The following ATAD2 variants were observed in gnomAD, a reference collection of about 807,000 sequenced individuals.
The protein encoded by ATAD2 is ATPase family AAA domain-containing protein 2.
A neutral mutation model predicts 168.9 loss-of-function variants in ATAD2; 62 were observed. The observed-to-expected ratio is 0.37, with a 90% CI of 0.30 to 0.45. ATAD2 has a LOEUF of 0.45. Ranked by LOEUF, ATAD2 falls within the 20% of genes least tolerant of loss-of-function variation. The probability of loss-of-function intolerance (pLI) is 1.00; values close to 1 mark genes in which losing one functional copy is unlikely to be tolerated. For missense variants in ATAD2, 1,419 were observed against 1,667.8 expected, an observed-to-expected ratio of 0.85 and a Z score of 2.60; for synonymous variants, 613 against 571.6, an observed-to-expected ratio of 1.07 and a Z score of -1.03.
At chr8:123,340,342 T>C (rs1828029309) in intron 19 of ATAD2, among the ~76,000 whole-genome samples, 1 of 152,184 alleles carries the variant, frequency 6.6e-6, no homozygotes, top group African/African-American at 2.4e-5. Context: ...TACAAGATAT[T>C]GGAAACTCAG....
In ATAD2 at chr8:123,371,282, C is replaced by G; in HGVS notation, c.593G>C (p.Arg198Pro). 1 of 1,610,156 alleles carries G rather than the reference C, an allele frequency of 6.2e-7. No homozygotes were observed. The highest frequency in any genetic ancestry group is 8.5e-7 in the Non-Finnish European group (1 of 1,178,524). ...TCCCAAGTCTTCAAGTTCTCTCATTCGCTGTCTACGCATCTTCTTCATGTC... is the reference window on the plus strand; with the variant it reads ...TCCCAAGTCTTCAAGTTCTCTCATTGGCTGTCTACGCATCTTCTTCATGTC... Reference protein sequence around the residue: ...MDDMKKMRRQRMRELEDLGVF... With the variant: ...MDDMKKMRRQPMRELEDLGVF... The change falls in exon 5 of 28, where the codon CGA becomes CCA. Residue 198 changes from arginine (R) to proline (P), a missense_variant. Transcript: ENST00000287394.
intron 1 of ATAD2, among the ~76,000 whole-genome samples, chr8:123,394,071 A>C (rs76406760): frequency 2.0e-3 from 296 of 151,772 alleles, no homozygotes; most frequent in African/African-American, 7.0e-3. Flanking sequence ...AGTCAACAAC[A>C]ACCTAAGGTT....
intron 1 of ATAD2, among the ~76,000 whole-genome samples, chr8:123,393,566 A>T (rs764068236): frequency 3.3e-5 from 5 of 151,810 alleles, no homozygotes; most frequent in African/African-American, 7.3e-5. Flanking sequence ...GGTGGGGCAT[A>T]ATATATATAT....
Position 123,346,598 on chromosome 8 carries a change from G to C in ATAD2, c.2345+20C>G, listed in dbSNP as rs1262311753. ...AAAATTTACACATGCAAAAAACATTGATTTGCAAGAAAAATATACCTATTC... is the reference window on the plus strand; with the variant it reads ...AAAATTTACACATGCAAAAAACATTCATTTGCAAGAAAAATATACCTATTC... On this transcript the variant is annotated intron_variant, in intron 17 of 27. Coordinates refer to ENST00000287394, the MANE Select transcript of ATAD2 (RefSeq NM_014109.4). 6.6e-7 allele frequency: 1 copy of C among 1,508,640 alleles called. No homozygotes were observed. Among genetic ancestry groups the C allele is most frequent in the South Asian group, 1.3e-5 (1 of 76,968 alleles). The allele number at this position is 1,508,640 out of a possible 1,614,324, so 93.5% of individuals were successfully genotyped here.
chr8:123,332,437 T>C (rs1473981063), intron 24 of ATAD2, among the ~76,000 whole-genome samples: 2 of 152,208 alleles, frequency 1.3e-5, no homozygotes, highest in Non-Finnish European at 2.9e-5. Context: ...TCCTAAAAAG[T>C]AAATAATATC....
intron 24 of ATAD2, among the ~76,000 whole-genome samples, chr8:123,333,440 G>A (rs1260452338): frequency 6.7e-6 from 1 of 149,932 alleles, no homozygotes; most frequent in Admixed American, 6.7e-5. Context: ...AAAGGGTAGT[G>A]AGGAATTACA....
At chr8:123,377,225 T>TGCC (rs1829346806) in intron 2 of ATAD2, among the ~76,000 whole-genome samples, 1 of 150,842 alleles carries the variant, frequency 6.6e-6, no homozygotes, top group South Asian at 2.1e-4. Flanking sequence ...GCCATGATCA[T>TGCC]GCCACTACAC....
At chr8:123,405,383 A>T (rs1813055764) in intron 1 of ATAD2, among the ~76,000 whole-genome samples, 1 of 150,336 alleles carries the variant, frequency 6.7e-6, no homozygotes, top group Non-Finnish European at 1.5e-5. Flanking sequence ...CAGCCTCCCG[A>T]GTAGCTGGGA....
At chr8:123,389,272 G>A (rs369123294) in intron 1 of ATAD2, among the ~76,000 whole-genome samples, 1 of 146,428 alleles carries the variant, frequency 6.8e-6, no homozygotes, top group Non-Finnish European at 1.5e-5. Context: ...CACCGTGCCC[G>A]GCCTGTGCTT....
Position 123,328,493 on chromosome 8 carries a change from C to CATCCTT in ATAD2, c.3559_3564dup (p.Lys1187_Asp1188dup). On this transcript the variant is annotated inframe_insertion, in exon 25 of 28. Coordinates refer to ENST00000287394, the MANE Select transcript of ATAD2 (RefSeq NM_014109.4). ...TTGTGATCTATGGCATTCTGGCTAT[C>CATCCTT]ATCCTTTGCCTGTGAAATCTTCCTT... is the stretch of plus-strand genomic sequence containing the variant. 6.2e-7 allele frequency: 1 copy of CATCCTT among 1,601,246 alleles called. No homozygotes were observed. Among genetic ancestry groups the CATCCTT allele is most frequent in the Non-Finnish European group, 8.5e-7 (1 of 1,175,164 alleles).
At chr8:123,354,864 A>AAAAAAAAATAT (rs1554644338) in intron 13 of ATAD2, among the ~76,000 whole-genome samples, 12 of 64,704 alleles carry the variant, frequency 1.9e-4, no homozygotes, top group African/African-American at 9.5e-4. Context: ...AAAAAAAAAA[A>AAAAAAAAATAT]ATATATATAT....
upstream of ATAD2, among the ~76,000 whole-genome samples, chr8:123,396,710 G>A (rs1195326196): frequency 6.6e-6 from 1 of 152,048 alleles, no homozygotes; most frequent in Admixed American, 6.6e-5. Context: ...CGGTGGGAGC[G>A]GTGCGTAGCC....
intron 15 of ATAD2, chr8:123,347,885 TATA>T (rs1828304250): frequency 1.3e-5 from 4 of 302,248 alleles, no homozygotes; most frequent in South Asian, 1.3e-4. Context: ...CTTATTATGA[TATA>T]ATAATATATT....
chr8:123,321,071 G>A lies in ATAD2; in HGVS notation c.*63C>T, dbSNP rs570934950. 74 of 1,419,072 alleles carry A rather than the reference G, an allele frequency of 5.2e-5. No homozygotes were observed. The East Asian group carries it at 8.7e-4, about 17-fold the overall frequency. 87.9% of individuals were successfully genotyped at this position (1,419,072 alleles called of 1,614,324 possible). A position where few individuals can be genotyped will look rare whatever the true frequency, so the allele number is the denominator to read the frequency against. ...GGGTTTCATACTACATCAATTAGGC[G>A]GACATGACAAAAATGACTTAAATAG... On this transcript the variant is annotated 3_prime_UTR_variant, in exon 28 of 28. Transcript: ENST00000287394.
chr8:123,364,306 T>C (rs1485268252), intron 8 of ATAD2, among the ~76,000 whole-genome samples: 1 of 152,094 alleles, frequency 6.6e-6, no homozygotes, highest in Non-Finnish European at 1.5e-5. Context: ...GTCCTAGTCA[T>C]GGGCCCAGGT....
intron 8 of ATAD2, among the ~76,000 whole-genome samples, chr8:123,368,133 T>C (rs1340544792): frequency 1.3e-5 from 2 of 152,172 alleles, no homozygotes; most frequent in Non-Finnish European, 2.9e-5. Context: ...GAATTATCTC[T>C]TTGACCGGGT....
chr8:123,333,687 G>A (rs985103324), intron 24 of ATAD2, among the ~76,000 whole-genome samples, 191 bp downstream of exon 24: 2 of 152,130 alleles, frequency 1.3e-5, no homozygotes, highest in African/African-American at 4.8e-5. Flanking sequence ...CAATTAGATG[G>A]TGACTTCTGG....
At position 123,371,729 on chromosome 8, in the gene ATAD2, C is replaced by CCTA. The variant is rs1309870286; in HGVS notation, c.474_476dup (p.Cys158_Arg159insSer). ...TTACACCACTATAACGACTTCTAAT[C>CCTA]CTACAACTTCGACGCACTTCAACAT... On this transcript the variant is annotated inframe_insertion, in exon 4 of 28. Coordinates refer to ENST00000287394, the MANE Select transcript of ATAD2 (RefSeq NM_014109.4). The CCTA allele has an allele frequency of 6.2e-7, 1 of 1,613,526 alleles. No individual in the cohort carries two copies. The highest frequency in any genetic ancestry group is 1.7e-5 in the Admixed American group (1 of 59,882).
At chr8:123,347,428 A>T (rs769884195) in intron 15 of ATAD2, 22 bp from the exon 16 acceptor site, 3 of 1,554,660 alleles carry the variant, frequency 1.9e-6, no homozygotes, top group Non-Finnish European at 2.6e-6. Flanking sequence ...AACCAGGGGA[A>T]GAAAAGAACC....
Sources: allele counts gnomAD v4.1 joint callset (sites outside exome capture counted in the v4.1 genomes callset), GRCh38; gene constraint gnomAD v4.1.1; transcripts MANE v1.5; gene names NCBI Gene and HGNC (gene_info 2026-07-23, HGNC 2026-07-21).